PTPRZ1: variants seen among roughly 807,000 people sequenced by gnomAD.
The protein encoded by PTPRZ1 is protein tyrosine phosphatase receptor type Z1, also known as receptor-type tyrosine-protein phosphatase zeta.
In PTPRZ1, 82 loss-of-function variants were observed where a neutral mutation model predicts 214.1. That is an observed-to-expected ratio of 0.38 (90% CI 0.32 to 0.46). PTPRZ1 has a LOEUF of 0.46. PTPRZ1 is among the 20% of genes least tolerant of loss of function. The pLI is 1.00. For synonymous variants in PTPRZ1, 945 were observed against 987.9 expected (o/e 0.96, Z 0.81); for missense variants, 2,603 against 2,748.7 (o/e 0.95, Z 1.19).
At chr7:121,910,118 T>C (rs1795226601) in intron 1 of PTPRZ1, among the ~76,000 whole-genome samples, 1 of 152,194 alleles carries the variant, frequency 6.6e-6, no homozygotes, top group South Asian at 2.1e-4. Flanking sequence ...TCTGGCCTTT[T>C]TGCTGTTTTT....
intron 10 of PTPRZ1, among the ~76,000 whole-genome samples, chr7:122,003,010 G>A (rs974881334): frequency 1.3e-5 from 2 of 152,124 alleles, no homozygotes; most frequent in Non-Finnish European, 2.9e-5. Context: ...AAATCATAAG[G>A]AAGGTCATTT....
intron 25 of PTPRZ1, among the ~76,000 whole-genome samples, 199 bp from the exon 26 acceptor site, chr7:122,053,711 G>GA (rs923104701): frequency 1.9e-4 from 28 of 149,656 alleles, no homozygotes; most frequent in Admixed American, 8.6e-4. Context: ...CGATTTAAGA[G>GA]AAAAAAAAAC....
intron 2 of PTPRZ1, among the ~76,000 whole-genome samples, chr7:121,930,136 A>G (rs1795880335): frequency 6.6e-6 from 1 of 152,190 alleles, no homozygotes; most frequent in South Asian, 2.1e-4. Context: ...CAAGATGTTT[A>G]TCAGAGCAGG....
chr7:121,896,991 G>T (rs1398226610), intron 1 of PTPRZ1, among the ~76,000 whole-genome samples: 3 of 152,048 alleles, frequency 2.0e-5, no homozygotes, highest in African/African-American at 7.2e-5. Context: ...AATTGTCAGT[G>T]GGTGTATTTG....
intron 9 of PTPRZ1, among the ~76,000 whole-genome samples, chr7:121,997,644 A>T (rs1231067135): frequency 6.6e-6 from 1 of 151,404 alleles, no homozygotes; most frequent in Non-Finnish European, 1.5e-5. Flanking sequence ...AACTTCCTGA[A>T]ACTAAATCTG....
intron 1 of PTPRZ1, among the ~76,000 whole-genome samples, chr7:121,904,080 C>CT: frequency 6.6e-6 from 1 of 151,948 alleles, no homozygotes; most frequent in Admixed American, 6.6e-5. Context: ...ATATAAGTTA[C>CT]TTTTTTTCTG....
intron 2 of PTPRZ1, among the ~76,000 whole-genome samples, chr7:121,951,962 TA>T (rs144914565): frequency 0.5 from 64,375 of 129,478 alleles, 14,281 homozygotes; most frequent in Middle Eastern, 0.53. Context: ...TTTATTTATT[TA>T]TTTTTTTTTT....
At chr7:122,048,562 G>T (rs547226238) in intron 23 of PTPRZ1, among the ~76,000 whole-genome samples, 30 of 152,122 alleles carry the variant, frequency 2.0e-4, no homozygotes, top group Non-Finnish European at 3.8e-4. Context: ...ACCCTCCTGT[G>T]ATTATTATGC....
At chr7:121,912,719 C>T (rs1795314706) in intron 1 of PTPRZ1, among the ~76,000 whole-genome samples, 1 of 152,082 alleles carries the variant, frequency 6.6e-6, no homozygotes, top group Non-Finnish European at 1.5e-5. Flanking sequence ...GTGGTGGCAT[C>T]TGTCTCTATG....
At chr7:122,009,871 A>C (rs1471247545) in intron 11 of PTPRZ1, among the ~76,000 whole-genome samples, 3 of 152,202 alleles carry the variant, frequency 2.0e-5, no homozygotes, top group African/African-American at 4.8e-5. Context: ...GATTTGCTCT[A>C]AATAGATATA....
intron 2 of PTPRZ1, among the ~76,000 whole-genome samples, chr7:121,931,594 T>C (rs953353792): frequency 1.5e-4 from 23 of 152,082 alleles, no homozygotes; most frequent in African/African-American, 5.6e-4. Flanking sequence ...AGGGACCCTA[T>C]GCATCTTGGG....
At chr7:121,918,839 T>C (rs890270751) in intron 1 of PTPRZ1, among the ~76,000 whole-genome samples, 6 of 91,744 alleles carry the variant, frequency 6.5e-5, no homozygotes, top group East Asian at 3.2e-4. Flanking sequence ...TTTTATATCA[T>C]GTATATTTCA....
intron 1 of PTPRZ1, among the ~76,000 whole-genome samples, chr7:121,876,219 C>A (rs1794054457): frequency 6.6e-6 from 1 of 152,132 alleles, no homozygotes; most frequent in African/African-American, 2.4e-5. Flanking sequence ...TTTTTCTTGA[C>A]CCACTGAACA....
intron 17 of PTPRZ1, among the ~76,000 whole-genome samples, chr7:122,034,661 G>A (rs1222849324): frequency 1.3e-5 from 2 of 151,836 alleles, no homozygotes; most frequent in African/African-American, 4.8e-5. Flanking sequence ...CATCTCCCTT[G>A]GTGGTTTTTG....
chr7:121,966,632 G>T (rs1186590680), intron 2 of PTPRZ1, among the ~76,000 whole-genome samples: 3 of 152,170 alleles, frequency 2.0e-5, no homozygotes, highest in African/African-American at 7.2e-5. Context: ...ATTGATTCTG[G>T]TTGATGCCTC....
chr7:121,907,013 G>A (rs1041981183), intron 1 of PTPRZ1, among the ~76,000 whole-genome samples: 1 of 151,958 alleles, frequency 6.6e-6, no homozygotes, highest in African/African-American at 2.4e-5. Flanking sequence ...TCTACAATGT[G>A]ATATTGGAAT....
rs756681168 is a variant in PTPRZ1, at chr7:122,038,734, A to G, written c.5368-21A>G. 6 of 1,610,750 alleles carry G rather than the reference A, an allele frequency of 3.7e-6. No homozygotes were observed. In the Admixed American group the frequency reaches 1.0e-4, roughly 27 times the overall value. ...ACATATAAATCAGTTAGTAGGAAAC[A>G]TTTGTCATTTAATTCTTCAGGGCTA... On this transcript the variant is annotated intron_variant, in intron 18 of 29. Coordinates refer to ENST00000393386, the MANE Select transcript of PTPRZ1 (RefSeq NM_002851.3).
rs557511173 is a variant in PTPRZ1 at position 122,027,559 on chromosome 7, G to A, written c.4989-993G>A. ...GGTTTAGATGGAAAGTGAGATTGTCGTTTTCAGTCAAACAGAATTCAAGTG... is the reference window on the plus strand; with the variant it reads ...GGTTTAGATGGAAAGTGAGATTGTCATTTTCAGTCAAACAGAATTCAAGTG... On this transcript the variant is annotated intron_variant, in intron 13 of 29. Transcript: ENST00000393386. Among the ~76,000 whole-genome samples the A allele has an allele frequency of 9.2e-5, 14 of 152,236 alleles. No individual in the cohort carries two copies. In the South Asian group the frequency reaches 2.1e-3, roughly 23 times the overall value.
intron 1 of PTPRZ1, among the ~76,000 whole-genome samples, chr7:121,873,892 C>G (rs1444624902): frequency 6.6e-6 from 1 of 151,996 alleles, no homozygotes; most frequent in Admixed American, 6.5e-5. Context: ...GTAGAAATCG[C>G]CTTTTAGATA....
Sources: allele counts gnomAD v4.1 joint callset (sites outside exome capture counted in the v4.1 genomes callset), GRCh38; gene constraint gnomAD v4.1.1; transcripts MANE v1.5; gene names NCBI Gene and HGNC (gene_info 2026-07-23, HGNC 2026-07-21).